FMNL2: variants seen among roughly 807,000 people sequenced by gnomAD.
The protein encoded by FMNL2 is formin like 2, also known as formin-like protein 2.
Under a neutral mutation model 130.2 loss-of-function variants are expected in FMNL2, and 51 were observed. The ratio of observed to expected loss-of-function variants is 0.39; its 90% CI spans 0.31 to 0.49. FMNL2 has a LOEUF of 0.49. Among genes scored for constraint, FMNL2 ranks in the 20% least tolerant of loss-of-function variants. The pLI, the probability that FMNL2 is intolerant of heterozygous loss-of-function variation, is 0.85. For missense variants in FMNL2, 977 were observed against 1,316.2 expected, an observed-to-expected ratio of 0.74 and a Z score of 3.99; for synonymous variants, 465 against 467.1, an observed-to-expected ratio of 1.00 and a Z score of 0.06.
intron 2 of FMNL2, among the ~76,000 whole-genome samples, chr2:152,538,772 A>G (rs1436770857): frequency 6.6e-6 from 1 of 152,324 alleles, no homozygotes. Flanking sequence ...TAATATCTAA[A>G]GGAACCACTG....
chr2:152,625,235 G>C, intron 15 of FMNL2: 1 of 492,668 alleles, frequency 2.0e-6, no homozygotes, highest in Non-Finnish European at 3.5e-6. Context: ...ATACAATGAT[G>C]TGTTAGTCAA....
At chr2:152,479,238 C>T (rs1690343416) in intron 1 of FMNL2, among the ~76,000 whole-genome samples, 4 of 148,942 alleles carry the variant, frequency 2.7e-5, no homozygotes, top group Admixed American at 2.6e-4. Context: ...ATCCTCCTGC[C>T]TCAGCCAATC....
intron 1 of FMNL2, among the ~76,000 whole-genome samples, chr2:152,517,264 C>T (rs757134871): frequency 2.0e-5 from 3 of 152,060 alleles, no homozygotes; most frequent in Non-Finnish European, 2.9e-5. Context: ...AGTGTGTAGA[C>T]ATTGTTAATA....
At chr2:152,606,724 T>G (rs1186897173) in intron 9 of FMNL2, among the ~76,000 whole-genome samples, 1 of 151,620 alleles carries the variant, frequency 6.6e-6, no homozygotes, top group African/African-American at 2.4e-5. Flanking sequence ...TTTATGTTTG[T>G]TTCATCTGAT....
At chr2:152,359,149 A>G (rs568380535) in intron 1 of FMNL2, among the ~76,000 whole-genome samples, 2 of 152,204 alleles carry the variant, frequency 1.3e-5, no homozygotes, top group Non-Finnish European at 2.9e-5. Flanking sequence ...AATAGTTGCC[A>G]TCCATTTTAA....
rs1327604170 is a variant in FMNL2 at position 152,615,099 on chromosome 2, G to T, written c.1212+99G>T. On this transcript the variant is annotated intron_variant, in intron 12 of 25. Coordinates refer to ENST00000288670, the MANE Select transcript of FMNL2 (RefSeq NM_052905.4). ...ATGGTGGTAAATTTAAGGATTTGGA[G>T]TATAGGAATAGGCCATACCCTGCAA... is the stretch of plus-strand genomic sequence containing the variant. 13 of 1,363,372 alleles carry T rather than the reference G, an allele frequency of 9.5e-6. No individual in the cohort carries two copies. The Middle Eastern group carries it at 1.3e-3, about 140-fold the overall frequency. 84.5% of individuals were successfully genotyped at this position (1,363,372 alleles called of 1,614,324 possible).
intron 5 of FMNL2, among the ~76,000 whole-genome samples, chr2:152,559,185 A>G (rs1695393298): frequency 6.6e-6 from 1 of 152,208 alleles, no homozygotes; most frequent in Non-Finnish European, 1.5e-5. Context: ...TCTTTTAAAA[A>G]TGATGTCTGC....
chr2:152,552,307 CTT>C (rs1694977881), intron 4 of FMNL2, among the ~76,000 whole-genome samples: 1 of 152,082 alleles, frequency 6.6e-6, no homozygotes, highest in Non-Finnish European at 1.5e-5. Context: ...ATATACATCT[CTT>C]ATATATATCT....
rs767654491 is a variant in FMNL2, at chr2:152,629,889, T to C, written c.2534T>C (p.Leu845Pro). The change falls in exon 20 of 26, where the codon CTT becomes CCT. Residue 845 changes from leucine (L) to proline (P), a missense_variant. Transcript: ENST00000288670. ...SKRGAVYGFK[L>P]QSLDLLLDTK... ...AGAGGAGCAGTTTATGGATTTAAAC[T>C]TCAGAGTTTAGATCTGGTGAGTGGA... 2 of 1,609,760 alleles carry C rather than the reference T, an allele frequency of 1.2e-6. No homozygotes were observed. The highest frequency in any genetic ancestry group is 1.7e-6 in the Non-Finnish European group (2 of 1,177,896).
chr2:152,498,430 T>A (rs77669423), intron 1 of FMNL2, among the ~76,000 whole-genome samples: 13,469 of 152,064 alleles, frequency 0.089, 901 homozygotes, highest in Admixed American at 0.22. Flanking sequence ...CCATTTTTTT[T>A]AAAAAAATGC....
intron 1 of FMNL2, among the ~76,000 whole-genome samples, chr2:152,432,438 C>T (rs918196091): frequency 5.3e-5 from 8 of 152,162 alleles, no homozygotes; most frequent in African/African-American, 1.9e-4. Flanking sequence ...TCTAAAGATG[C>T]ACCAGGAAAC....
intron 1 of FMNL2, among the ~76,000 whole-genome samples, chr2:152,503,110 A>C (rs1481067846): frequency 1.3e-5 from 2 of 152,200 alleles, no homozygotes; most frequent in Non-Finnish European, 2.9e-5. Context: ...ACACTCGTTC[A>C]AGATGGTAAG....
At chr2:152,604,000 G>A (rs967750288) in intron 9 of FMNL2, among the ~76,000 whole-genome samples, 2 of 150,970 alleles carry the variant, frequency 1.3e-5, no homozygotes, top group African/African-American at 4.8e-5. Context: ...GCCCATCTGG[G>A]GAGATTCTTA....
intron 11 of FMNL2, among the ~76,000 whole-genome samples, chr2:152,614,611 C>T (rs1345716216): frequency 2.6e-5 from 4 of 152,220 alleles, no homozygotes; most frequent in African/African-American, 9.6e-5. Flanking sequence ...GGTGTGGTGG[C>T]GCGTGCCTGT....
At chr2:152,608,358 G>A (rs530712798) in intron 10 of FMNL2, among the ~76,000 whole-genome samples, 4,073 of 46,744 alleles carry the variant, frequency 0.087, 262 homozygotes, top group African/African-American at 0.26. Context: ...AACCCTTTTT[G>A]TGAAAAAAAA....
intron 4 of FMNL2, among the ~76,000 whole-genome samples, chr2:152,551,485 C>T (rs755026811): frequency 9.8e-5 from 15 of 152,328 alleles, no homozygotes; most frequent in African/African-American, 2.9e-4. Context: ...CATAAACTTA[C>T]GTGAAGTAAA....
intron 15 of FMNL2, 100 bp from the exon 16 acceptor site, chr2:152,625,338 C>T: frequency 7.1e-7 from 1 of 1,402,046 alleles, no homozygotes; most frequent in South Asian, 1.5e-5. Context: ...CAACCTTCCT[C>T]CAGTGTCAAA....
chr2:152,509,132 T>C (rs1192561363), intron 1 of FMNL2, among the ~76,000 whole-genome samples: 1 of 152,208 alleles, frequency 6.6e-6, no homozygotes, highest in Admixed American at 6.5e-5. Flanking sequence ...GGTGTGAGAA[T>C]ATAAAACCAG....
intron 1 of FMNL2, among the ~76,000 whole-genome samples, chr2:152,451,183 C>T (rs945159087): frequency 2.0e-5 from 3 of 152,102 alleles, no homozygotes; most frequent in Admixed American, 2.0e-4. Context: ...GAGTCTCGCT[C>T]TGTTGCCCAG....
Sources: gnomAD v4.1 joint callset for allele counts (sites outside exome capture counted in the v4.1 genomes callset) on GRCh38, gnomAD v4.1.1 for gene constraint, MANE v1.5 for transcripts, NCBI Gene and HGNC (gene_info 2026-07-23, HGNC 2026-07-21) for gene names.